DNAH8: variants seen among roughly 807,000 people sequenced by gnomAD.
DNAH8 encodes the protein axonemal beta dynein heavy chain 8.
Under a neutral mutation model 562.1 loss-of-function variants are expected in DNAH8, and 382 were observed. The ratio of observed to expected loss-of-function variants is 0.68; its 90% CI spans 0.63 to 0.74. The LOEUF (loss-of-function observed/expected upper bound fraction) is 0.74. Among genes scored for constraint, DNAH8 ranks in the 30% least tolerant of loss-of-function variants. The pLI is 0.00. For missense variants in DNAH8, 5,203 were observed against 5,620.4 expected (o/e 0.93, Z 2.37); for synonymous variants, 1,881 against 1,919.4 (o/e 0.98, Z 0.52).
chr6:38,931,872 A>G lies in DNAH8; in HGVS notation c.11336A>G (p.Lys3779Arg), dbSNP rs202245852. 2 of 1,611,014 alleles carry G rather than the reference A, an allele frequency of 1.2e-6. No individual in the cohort carries two copies. Among genetic ancestry groups the G allele is most frequent in the African/African-American group, 1.3e-5 (1 of 74,892 alleles). Residue 3779 changes from lysine to arginine, a missense_variant, in exon 76 of 93, where the codon AAG (lysine) becomes AGG (arginine). By Grantham distance (26) the Lys-to-Arg change is conservative. Coordinates refer to ENST00000327475, the MANE Select transcript of DNAH8 (RefSeq NM_001206927.2). ...ACATTTAAACTTTACATTACTACGA[A>G]GTTACCAAATCCTGCCTTTACCCCA... The part of the protein sequence containing the change: ...MDTFKLYITT[K>R]LPNPAFTPEI...
At position 38,851,681 on chromosome 6, in the gene DNAH8, T is replaced by C; in HGVS notation, c.5466+7T>C. 6.4e-7 allele frequency: 1 copy of C among 1,559,600 alleles called. No individual in the cohort carries two copies. Among genetic ancestry groups the C allele is most frequent in the Non-Finnish European group, 8.8e-7 (1 of 1,135,350 alleles). On this transcript the variant is annotated splice_region_variant and intron_variant, in intron 39 of 92. Transcript: ENST00000327475. The stretch of plus-strand genomic sequence containing the variant: ...TGATTCCCACACCATACAGGTATAA[T>C]CTAAGAATCTGTGATCTAACTTGCT...
At chr6:38,943,102 G>T (rs1783591590) in intron 79 of DNAH8, among the ~76,000 whole-genome samples, 1 of 152,236 alleles carries the variant, frequency 6.6e-6, no homozygotes, top group Admixed American at 6.5e-5. Context: ...GAGGAGTTTG[G>T]ATTTAATTTA....
At chr6:38,998,639 G>A (rs926427246) in intron 88 of DNAH8, among the ~76,000 whole-genome samples, 12 of 152,046 alleles carry the variant, frequency 7.9e-5, no homozygotes, top group Admixed American at 2.0e-4. Context: ...TGGATATTAT[G>A]GTGCACTAAT....
intron 73 of DNAH8, chr6:38,925,115 T>G (rs1423301157): frequency 6.6e-6 from 1 of 152,136 alleles, no homozygotes; most frequent in Non-Finnish European, 1.5e-5. Flanking sequence ...ACTAATCTTT[T>G]CCAATTCGAA....
chr6:38,756,838 A>G (rs1765960377), intron 10 of DNAH8, among the ~76,000 whole-genome samples: 6 of 152,048 alleles, frequency 3.9e-5, no homozygotes. Context: ...TGTCCCTACA[A>G]AGGACATGAA....
chr6:39,002,676 T>C (rs976527291), intron 88 of DNAH8, among the ~76,000 whole-genome samples: 20 of 152,210 alleles, frequency 1.3e-4, no homozygotes, highest in Non-Finnish European at 8.8e-5. Flanking sequence ...ACAGAAATAG[T>C]AAAAGAATTT....
intron 55 of DNAH8, among the ~76,000 whole-genome samples, 196 bp downstream of exon 55, chr6:38,883,652 T>C (rs1288960696): frequency 1.3e-5 from 2 of 152,168 alleles, no homozygotes; most frequent in Non-Finnish European, 2.9e-5. Flanking sequence ...TGACCTAATA[T>C]TGAGACTGCA....
At chr6:38,743,966 T>C (rs1764723329) in intron 8 of DNAH8, 1 of 152,266 alleles carries the variant, frequency 6.6e-6, no homozygotes. Flanking sequence ...TCTATGTGTT[T>C]ATAAATATTG....
At chr6:38,999,615 A>G (rs946361749) in intron 88 of DNAH8, among the ~76,000 whole-genome samples, 1 of 152,016 alleles carries the variant, frequency 6.6e-6, no homozygotes, top group African/African-American at 2.4e-5. Context: ...GGCATTTGCA[A>G]CCCATTCCTG....
chr6:38,995,986 A>G (rs1298051449), intron 88 of DNAH8, among the ~76,000 whole-genome samples: 2 of 152,318 alleles, frequency 1.3e-5, no homozygotes, highest in East Asian at 1.9e-4. Context: ...TAATACTAAG[A>G]AGGAACTTAG....
chr6:38,807,602 T>C lies in DNAH8; in HGVS notation c.3151-8T>C. 7.0e-7 allele frequency: 1 copy of C among 1,431,080 alleles called. No individual in the cohort carries two copies. The highest frequency in any genetic ancestry group is 9.3e-7 in the Non-Finnish European group (1 of 1,078,840). 88.6% of individuals were successfully genotyped at this position (1,431,080 alleles called of 1,614,324 possible). On this transcript the variant is annotated splice_region_variant and splice_polypyrimidine_tract_variant and intron_variant, in intron 23 of 92. Coordinates refer to ENST00000327475, the MANE Select transcript of DNAH8 (RefSeq NM_001206927.2). The stretch of plus-strand genomic sequence containing the variant: ...AGATACCAAATTTAATCTGATTTCT[T>C]ATTACAGGAGTGTAAAGAGGTCTTT...
chr6:38,891,619 C>T (rs1779346964), intron 58 of DNAH8, among the ~76,000 whole-genome samples: 1 of 152,216 alleles, frequency 6.6e-6, no homozygotes, highest in African/African-American at 2.4e-5. Flanking sequence ...GGCCCTGTTC[C>T]TTGCCAACAC....
chr6:38,973,956 T>C (rs1211904595), intron 84 of DNAH8, 143 bp downstream of exon 84: 2 of 590,472 alleles, frequency 3.4e-6, no homozygotes, highest in Admixed American at 3.6e-5. Context: ...ACTATAATCA[T>C]CAAAATCTTG....
At chr6:38,717,486 G>T (rs1483449586) in intron 1 of DNAH8, among the ~76,000 whole-genome samples, 1 of 151,826 alleles carries the variant, frequency 6.6e-6, no homozygotes, top group Non-Finnish European at 1.5e-5. Context: ...ACCACGCCCG[G>T]CTAATTTTTT....
chr6:38,849,961 A>T (rs766161831), intron 37 of DNAH8, among the ~76,000 whole-genome samples: 1 of 152,178 alleles, frequency 6.6e-6, no homozygotes, highest in Non-Finnish European at 1.5e-5. Context: ...CTTTAAGTTG[A>T]TAGCTCTGCA....
intron 65 of DNAH8, 102 bp from the exon 66 acceptor site, chr6:38,911,366 G>A: frequency 2.3e-6 from 2 of 869,826 alleles, no homozygotes; most frequent in Admixed American, 1.9e-5. Flanking sequence ...TCCTGCTAGT[G>A]AATCACTCTA....
chr6:38,899,677 A>G (rs1779942792), intron 61 of DNAH8, 99 bp from the exon 62 acceptor site: 3 of 1,339,168 alleles, frequency 2.2e-6, no homozygotes, highest in South Asian at 1.3e-5. Flanking sequence ...GTCTAATATC[A>G]TCTAGAAACA....
chr6:38,997,483 C>T (rs1363696960), intron 88 of DNAH8, among the ~76,000 whole-genome samples: 2 of 152,134 alleles, frequency 1.3e-5, no homozygotes, highest in Admixed American at 1.3e-4. Flanking sequence ...GAGTTGGGAA[C>T]AGGAGTATGT....
intron 74 of DNAH8, chr6:38,929,285 C>G (rs563483470): frequency 2.2e-5 from 8 of 357,084 alleles, no homozygotes; most frequent in African/African-American, 1.5e-4. Flanking sequence ...TAACCCTCCT[C>G]TTTTGATCAT....
Sources: allele counts gnomAD v4.1 joint callset (sites outside exome capture counted in the v4.1 genomes callset), GRCh38; gene constraint gnomAD v4.1.1; transcripts MANE v1.5; gene names NCBI Gene and HGNC (gene_info 2026-07-23, HGNC 2026-07-21).